The following ANKHD1 variants were observed in gnomAD, a reference collection of about 807,000 sequenced individuals.
The protein encoded by ANKHD1 is ankyrin repeat and KH domain-containing protein 1.
In ANKHD1, 31 loss-of-function variants were observed where a neutral mutation model predicts 230.5. That is an observed-to-expected ratio of 0.13 (90% CI 0.10 to 0.18). ANKHD1 has a LOEUF of 0.18. ANKHD1 is among the 10% of genes least tolerant of loss of function. The pLI is 1.00. For synonymous variants in ANKHD1, 1,074 were observed against 1,117.6 expected, an observed-to-expected ratio of 0.96 and a Z score of 0.78; for missense variants, 2,256 against 3,071.3, an observed-to-expected ratio of 0.73 and a Z score of 6.27.
chr5:140,446,852 A>G (rs1774321018), intron 6 of ANKHD1, among the ~76,000 whole-genome samples: 1 of 152,136 alleles, frequency 6.6e-6, no homozygotes, highest in South Asian at 2.1e-4. Flanking sequence ...TTTACTTAGC[A>G]GTGTATCATG....
chr5:140,530,272 C>T (rs1753755049), intron 29 of ANKHD1, among the ~76,000 whole-genome samples: 1 of 151,858 alleles, frequency 6.6e-6, no homozygotes, highest in African/African-American at 2.4e-5. Context: ...AGTGCAGTGG[C>T]CCAGTCTCAG....
intron 10 of ANKHD1, among the ~76,000 whole-genome samples, chr5:140,468,809 T>G (rs1431795695): frequency 6.6e-6 from 1 of 152,218 alleles, no homozygotes; most frequent in Non-Finnish European, 1.5e-5. Context: ...TTAATAGTTT[T>G]TAAATATTAC....
In ANKHD1 at chr5:140,460,731, G is replaced by T. The variant is rs182632319; in HGVS notation, c.1672+1376G>T. On this transcript the variant is annotated intron_variant, in intron 9 of 33. Coordinates refer to ENST00000360839, the MANE Select transcript of ANKHD1 (RefSeq NM_017747.3). ...AGATGGGATTTTGCCACGTTCCTGA[G>T]GCTGGTCTCAAACTCCTGGGCTCAA... Among the ~76,000 whole-genome samples the T allele has an allele frequency of 2.6e-5, 4 of 152,056 alleles. No homozygotes were observed. The East Asian group carries it at 7.7e-4, about 29-fold the overall frequency.
rs1449227897 is a variant in ANKHD1, at chr5:140,401,874, C to T, written c.-94C>T. 3.2e-5 allele frequency: 46 copies of T among 1,454,918 alleles called. No homozygotes were observed. The highest frequency in any genetic ancestry group is 4.1e-5 in the Non-Finnish European group (45 of 1,109,786). The allele number at this position is 1,454,918 out of a possible 1,614,324, so 90.1% of individuals were successfully genotyped here. ...CGCTGCTGGGACGGGGGAAAGGAGACGCTTCTTCCTCTTGCTGCTCTTCTC... is the reference window on the plus strand; with the variant it reads ...CGCTGCTGGGACGGGGGAAAGGAGATGCTTCTTCCTCTTGCTGCTCTTCTC... On this transcript the variant is annotated 5_prime_UTR_variant, in exon 1 of 34. The change creates a new upstream start codon in the 5' untranslated region. Coordinates refer to ENST00000360839, the MANE Select transcript of ANKHD1 (RefSeq NM_017747.3).
At chr5:140,429,394 G>C (rs1352926026) in intron 1 of ANKHD1, among the ~76,000 whole-genome samples, 1 of 152,084 alleles carries the variant, frequency 6.6e-6, no homozygotes, top group Non-Finnish European at 1.5e-5. Flanking sequence ...GCCCAGCCTG[G>C]CCTAGAATAT....
At chr5:140,463,910 G>GC (rs1352747360) in intron 9 of ANKHD1, among the ~76,000 whole-genome samples, 5 of 151,818 alleles carry the variant, frequency 3.3e-5, no homozygotes, top group African/African-American at 1.2e-4. Flanking sequence ...CAAGTGATCT[G>GC]CCCGCCTCAG....
intron 10 of ANKHD1, among the ~76,000 whole-genome samples, chr5:140,478,509 T>C (rs1751089923): frequency 6.6e-6 from 1 of 152,058 alleles, no homozygotes; most frequent in African/African-American, 2.4e-5. Context: ...TAGAAATATA[T>C]AAATTATCAA....
intron 10 of ANKHD1, among the ~76,000 whole-genome samples, chr5:140,476,580 C>G (rs1750979726): frequency 2.0e-5 from 3 of 151,918 alleles, no homozygotes; most frequent in Admixed American, 2.0e-4. Flanking sequence ...AATAACAATA[C>G]AGAATTCTGT....
At position 140,500,665 on chromosome 5, in the gene ANKHD1, A is replaced by G. The variant is rs6876865; in HGVS notation, c.3004+3387A>G. On this transcript the variant is annotated intron_variant, in intron 15 of 33. Coordinates refer to ENST00000360839, the MANE Select transcript of ANKHD1 (RefSeq NM_017747.3). ...CTCTGTCTCAAAAAAAAAAAAAAAAAAAAAGAAAAGAAAAACTGAAGCTTA... is the reference window on the plus strand; with the variant it reads ...CTCTGTCTCAAAAAAAAAAAAAAAAGAAAAGAAAAGAAAAACTGAAGCTTA... Among the ~76,000 whole-genome samples, 841 of 115,488 alleles carry G rather than the reference A, an allele frequency of 7.3e-3. 9 individuals are homozygous for G. The highest frequency in any genetic ancestry group is 0.023 in the African/African-American group (743 of 31,798). The allele number at this position is 115,488 out of a possible 152,430, so 75.8% of individuals were successfully genotyped here. A position where few individuals can be genotyped will look rare whatever the true frequency, so the allele number is the denominator to read the frequency against.
intron 8 of ANKHD1, 94 bp downstream of exon 8, chr5:140,458,956 A>ATATATG (rs1554088284): frequency 5.9e-5 from 1 of 16,888 alleles, no homozygotes; most frequent in African/African-American, 2.9e-4. Context: ...ATATATATAT[A>ATATATG]TATATATATA....
In ANKHD1 at chr5:140,429,254, C is replaced by T. The variant is rs1260832854; in HGVS notation, c.307-6850C>T. Among the ~76,000 whole-genome samples the T allele has an allele frequency of 6.6e-5, 10 of 151,584 alleles. No individual in the cohort carries two copies. In the East Asian group the frequency reaches 7.8e-4, roughly 12 times the overall value. ...GACTACAGGCGCCTGCCACCACGCC[C>T]GGCTAATTTTTGTATTTTTAGTAAA... On this transcript the variant is annotated intron_variant, in intron 1 of 33. Coordinates refer to ENST00000360839, the MANE Select transcript of ANKHD1 (RefSeq NM_017747.3).
At chr5:140,467,502 C>A (rs1776174826) in intron 10 of ANKHD1, among the ~76,000 whole-genome samples, 1 of 152,034 alleles carries the variant, frequency 6.6e-6, no homozygotes, top group Admixed American at 6.6e-5. Context: ...ATTGCATGAG[C>A]CCAGGAGTTA....
intron 14 of ANKHD1, among the ~76,000 whole-genome samples, chr5:140,491,100 A>G (rs1296244882): frequency 8.0e-6 from 1 of 124,844 alleles, no homozygotes; most frequent in East Asian, 2.3e-4. Flanking sequence ...GTGTATATAT[A>G]TATATATACA....
chr5:140,523,554 TTGAC>T (rs1422202960), intron 24 of ANKHD1, among the ~76,000 whole-genome samples: 1 of 151,842 alleles, frequency 6.6e-6, no homozygotes, highest in African/African-American at 2.4e-5. Flanking sequence ...ATTTTATAGG[TTGAC>T]TGTTTACTTT....
rs1279775784 is a variant in ANKHD1, at chr5:140,458,830, A to G, written c.1448A>G (p.His483Arg). 1.2e-6 allele frequency: 2 copies of G among 1,612,618 alleles called. No homozygotes were observed. The highest frequency in any genetic ancestry group is 1.1e-5 in the South Asian group (1 of 91,014). ...TTGATGGAAGCTGCCCGGGAAGGACATGAAGAAATGGTGGCACTACTCTTA... is the reference window on the plus strand; with the variant it reads ...TTGATGGAAGCTGCCCGGGAAGGACGTGAAGAAATGGTGGCACTACTCTTA... ...TPLMEAAREGHEEMVALLLAQ... is the reference protein window; with the variant it reads ...TPLMEAAREGREEMVALLLAQ... The change falls in exon 8 of 34, where the codon CAT becomes CGT. Residue 483 changes from histidine (H) to arginine (R), a missense_variant. By Grantham distance (29) the His-to-Arg change is conservative. Coordinates refer to ENST00000360839, the MANE Select transcript of ANKHD1 (RefSeq NM_017747.3).
chr5:140,448,675 T>C (rs984057448), intron 6 of ANKHD1, among the ~76,000 whole-genome samples: 1 of 152,234 alleles, frequency 6.6e-6, no homozygotes, highest in African/African-American at 2.4e-5. Flanking sequence ...TTCACTTGCA[T>C]TTCTTTGTTG....
Position 140,497,075 on chromosome 5 carries a change from A to G in ANKHD1, c.2801A>G (p.Gln934Arg), listed in dbSNP as rs1561799740. The change falls in exon 15 of 34, where the codon CAG becomes CGG. Residue 934 changes from glutamine (Q) to arginine (R), a missense_variant. Gln to Arg is a conservative substitution (Grantham distance 43, BLOSUM62 1). Around this residue, in one of 13 missense-constraint regions of ANKHD1, gnomAD observed 358 missense variants for 397.7 expected, o/e 0.90. Transcript: ENST00000360839. ...CCAGTCCAGCCTTTATCATCTCCACAGTGTAACTTTTCCAGTGACTTAGGT... is the reference window on the plus strand; with the variant it reads ...CCAGTCCAGCCTTTATCATCTCCACGGTGTAACTTTTCCAGTGACTTAGGT... ...FVPVQPLSSPQCNFSSDLGSN... is the reference protein window; with the variant it reads ...FVPVQPLSSPRCNFSSDLGSN... 2 of 1,614,182 alleles carry G rather than the reference A, an allele frequency of 1.2e-6. No homozygotes were observed. The highest frequency in any genetic ancestry group is 2.7e-5 in the African/African-American group (2 of 75,054).
At chr5:140,405,221 T>A (rs1446272767) in intron 1 of ANKHD1, among the ~76,000 whole-genome samples, 1 of 152,170 alleles carries the variant, frequency 6.6e-6, no homozygotes, top group Non-Finnish European at 1.5e-5. Context: ...TAAGAGTACA[T>A]GTAGACCTCA....
chr5:140,424,217 TATAG>T (rs1164258852), intron 1 of ANKHD1, among the ~76,000 whole-genome samples: 47 of 144,896 alleles, frequency 3.2e-4, no homozygotes, highest in Admixed American at 6.9e-4. Flanking sequence ...ACTATATATA[TATAG>T]AGAGAGAGAG....
Sources: allele counts gnomAD v4.1 joint callset (sites outside exome capture counted in the v4.1 genomes callset), GRCh38; gene constraint gnomAD v4.1.1; regional missense constraint gnomAD v4.1.1; transcripts MANE v1.5; gene names NCBI Gene and HGNC (gene_info 2026-07-23, HGNC 2026-07-21).